The following LARGE2 variants were observed in gnomAD, a reference collection of about 807,000 sequenced individuals.
LARGE2 encodes the protein xylosyl- and glucuronyltransferase LARGE2.
A neutral mutation model predicts 75.3 loss-of-function variants in LARGE2; 63 were observed. That is an observed-to-expected ratio of 0.84 (90% CI 0.68 to 1.03). The LOEUF is 1.03. LARGE2 is among the 50% of genes least tolerant of loss of function. LARGE2 has a pLI of 0.00. For synonymous variants in LARGE2, 428 were observed against 420.1 expected (o/e 1.02, Z -0.23); for missense variants, 925 against 980.6 (o/e 0.94, Z 0.76).
intron 4 of LARGE2, 98 bp from the exon 5 acceptor site, chr11:45,924,408 G>A (rs2134726635): frequency 6.4e-7 from 1 of 1,561,702 alleles, no homozygotes; most frequent in African/African-American, 1.4e-5. Flanking sequence ...CCTCTCTTTT[G>A]GGGGTTTACC....
At position 45,928,690 on chromosome 11, in the gene LARGE2, C is replaced by T; in HGVS notation, c.2011C>T (p.Leu671=). The change falls in exon 14 of 14, where the codon CTG becomes TTG. Residue 671 remains leucine, a synonymous_variant. Coordinates refer to ENST00000401752, the MANE Select transcript of LARGE2 (RefSeq NM_001300721.2). ...FTIHLPHAPS[L]DISRFRSSPT... ...CATCCATCTGCCCCACGCTCCAAGC[C>T]TGGACATCTCCCGCTTCCGCTCCAG... 1 of 1,614,186 alleles carries T rather than the reference C, an allele frequency of 6.2e-7. No individual in the cohort carries two copies. The highest frequency in any genetic ancestry group is 8.5e-7 in the Non-Finnish European group (1 of 1,180,038).
Position 45,923,049 on chromosome 11 carries a change from TC to T in LARGE2, c.173del (p.Pro58GlnfsTer59). ...GCFPGPLMPR[V>X]PPDGRLRRAA... Reference sequence around the variant, plus strand: ...TTCCCCGGCCCGCTCATGCCACGTGTCCCCCCAGACGGGAGGCTGCGGAGAG... The same window carrying T: ...TTCCCCGGCCCGCTCATGCCACGTGTCCCCCAGACGGGAGGCTGCGGAGAG... On this transcript the variant is annotated frameshift_variant, in exon 2 of 14. Transcript: ENST00000401752. LOFTEE classifies it high-confidence loss of function. 5.0e-6 allele frequency: 7 copies of T among 1,413,608 alleles called. No individual in the cohort carries two copies. The highest frequency in any genetic ancestry group is 3.0e-5 in the South Asian group (2 of 67,404). The allele number at this position is 1,413,608 out of a possible 1,614,324, so 87.6% of individuals were successfully genotyped here. A position where few individuals can be genotyped will look rare whatever the true frequency, so the allele number is the denominator to read the frequency against.
chr11:45,927,908 GCTC>G lies in LARGE2; in HGVS notation c.1605-5_1605-3del. On this transcript the variant is annotated splice_polypyrimidine_tract_variant and intron_variant, in intron 11 of 13. Coordinates refer to ENST00000401752, the MANE Select transcript of LARGE2 (RefSeq NM_001300721.2). ...CCGCTCTTCTCCCCTGCTCATGGGT[GCTC>G]CTCCTCAGGGCCTCCATTGAGCAGC... 6.2e-7 allele frequency: 1 copy of G among 1,612,256 alleles called. No homozygotes were observed. The highest frequency in any genetic ancestry group is 8.5e-7 in the Non-Finnish European group (1 of 1,179,310).
At chr11:45,926,998 G>A (rs2087183061) in intron 10 of LARGE2, 127 bp downstream of exon 10, 2 of 1,047,124 alleles carry the variant, frequency 1.9e-6, no homozygotes, top group Admixed American at 5.7e-5. Context: ...AGTTCCAGAA[G>A]TTGGAGACAT....
intron 4 of LARGE2, 27 bp from the exon 5 acceptor site, chr11:45,924,479 C>A: frequency 6.2e-7 from 1 of 1,604,926 alleles, no homozygotes; most frequent in Non-Finnish European, 8.5e-7. Flanking sequence ...TCTCTGCCAT[C>A]TCATCTCCTG....
At chr11:45,926,625 C>T in intron 9 of LARGE2, 28 bp downstream of exon 9, 1 of 1,613,806 alleles carries the variant, frequency 6.2e-7, no homozygotes, top group Non-Finnish European at 8.5e-7. Context: ...TCCCCTGCCC[C>T]TCTCTGCTTT....
At chr11:45,926,966 G>A (rs1342598682) in intron 10 of LARGE2, 95 bp downstream of exon 10, 3 of 1,288,344 alleles carry the variant, frequency 2.3e-6, no homozygotes, top group African/African-American at 3.0e-5. Context: ...TGCTGTGGTA[G>A]TGAGCTACCT....
intron 11 of LARGE2, 77 bp downstream of exon 11, chr11:45,927,670 T>C (rs1259900812): frequency 6.4e-7 from 1 of 1,567,512 alleles, no homozygotes; most frequent in Admixed American, 1.7e-5. Flanking sequence ...CAGGCTTCCA[T>C]GTCCCTGCTC....
At position 45,924,644 on chromosome 11, in the gene LARGE2, T is replaced by C. The variant is rs764263826; in HGVS notation, c.631T>C (p.Ser211Pro). Residue 211 changes from serine (S) to proline (P), a missense_variant, in exon 5 of 14, where the codon TCG (serine) becomes CCG (proline). Around this residue, in one of 3 missense-constraint regions of LARGE2, gnomAD observed 453 missense variants for 460.2 expected, o/e 0.98. Transcript: ENST00000401752. ...DTDVTFASDI[S>P]ELWALFAHFS... Reference sequence around the variant, plus strand: ...GGATGTCACCTTCGCCTCTGACATCTCGGAGCTCTGGGCCCTCTTTGCTCA... The same window carrying C: ...GGATGTCACCTTCGCCTCTGACATCCCGGAGCTCTGGGCCCTCTTTGCTCA... The C allele has an allele frequency of 1.9e-6, 3 of 1,613,972 alleles. No individual in the cohort carries two copies. In the African/African-American group the frequency reaches 4.0e-5, roughly 22 times the overall value.
Position 45,928,232 on chromosome 11 carries a change from G to A in LARGE2, c.1810G>A (p.Ala604Thr). The stretch of plus-strand genomic sequence containing the variant: ...CACAGACTATGCCCGCTGGCGGGAG[G>A]CTCAGGCCCCGTACCGTGTGCAATG... ...APTDYARWRE[A>T]QAPYRVQWAA... Residue 604 changes from alanine (A) to threonine (T), a missense_variant, in exon 13 of 14, where the codon GCT (alanine) becomes ACT (threonine). Physicochemically the swap from Ala to Thr is moderately conservative, Grantham distance 58. Around this residue, in one of 3 missense-constraint regions of LARGE2, gnomAD observed 469 missense variants for 503.8 expected, o/e 0.93. Coordinates refer to ENST00000401752, the MANE Select transcript of LARGE2 (RefSeq NM_001300721.2). The A allele has an allele frequency of 6.2e-7, 1 of 1,613,828 alleles. No individual in the cohort carries two copies. Among genetic ancestry groups the A allele is most frequent in the Non-Finnish European group, 8.5e-7 (1 of 1,180,044 alleles).
chr11:45,923,791 C>T (rs1174466379), intron 3 of LARGE2, among the ~76,000 whole-genome samples: 1 of 151,574 alleles, frequency 6.6e-6, no homozygotes, highest in Admixed American at 6.6e-5. Context: ...TCGAGACCAT[C>T]CCGGCTAAAA....
Position 45,922,949 on chromosome 11 carries a change from G to A in LARGE2, c.67G>A (p.Gly23Arg), listed in dbSNP as rs867410287. 8.2e-5 allele frequency: 106 copies of A among 1,289,086 alleles called. 2 individuals carry two copies. Among genetic ancestry groups the A allele is most frequent in the African/African-American group, 6.2e-4 (40 of 64,506 alleles). 79.9% of individuals were successfully genotyped at this position (1,289,086 alleles called of 1,614,324 possible). Residue 23 changes from glycine to arginine, a missense_variant, in exon 2 of 14, where the codon GGA becomes AGA. This residue lies in a region of LARGE2 where 453 missense variants were observed against 460.2 expected (regional missense o/e 0.98). Transcript: ENST00000401752. ...GCTGTTGCTGCTGCTGCTGCTGCTCGGATTCCTCCTGTTCGGTGGGGACCT... is the reference window on the plus strand; with the variant it reads ...GCTGTTGCTGCTGCTGCTGCTGCTCAGATTCCTCCTGTTCGGTGGGGACCT... Reference protein sequence around the residue: ...AALLLLLLLLGFLLFGGDLGC... With the variant: ...AALLLLLLLLRFLLFGGDLGC...
In LARGE2 at chr11:45,928,903, C is replaced by T. The variant is rs779180143; in HGVS notation, c.*58C>T. 4 of 1,595,886 alleles carry T rather than the reference C, an allele frequency of 2.5e-6. No homozygotes were observed. The African/African-American group carries it at 5.4e-5, about 22-fold the overall frequency. On this transcript the variant is annotated 3_prime_UTR_variant, in exon 14 of 14. Coordinates refer to ENST00000401752, the MANE Select transcript of LARGE2 (RefSeq NM_001300721.2). ...TGGGCAGACACCAGGGCAACCTGCC[C>T]TCCGCCATCCCTGCTATTTAAATTA...
intron 3 of LARGE2, among the ~76,000 whole-genome samples, 130 bp from the exon 4 acceptor site, chr11:45,923,999 AAAAAAAAAAAAAAAAAAAAAAAAAG>A: frequency 9.1e-5 from 1 of 11,046 alleles, no homozygotes; most frequent in Non-Finnish European, 1.3e-3. Context: ...AAAAAAAAAA[AAAAAAAAAAAAAAAAAAAAAAAAAG>A]AACATCCTGA....
At position 45,928,852 on chromosome 11, in the gene LARGE2, G is replaced by A. The variant is rs749530437; in HGVS notation, c.*7G>A. 2 of 1,612,742 alleles carry A rather than the reference G, an allele frequency of 1.2e-6. No individual in the cohort carries two copies. Among genetic ancestry groups the A allele is most frequent in the Non-Finnish European group, 8.5e-7 (1 of 1,179,748 alleles). On this transcript the variant is annotated 3_prime_UTR_variant, in exon 14 of 14. Coordinates refer to ENST00000401752, the MANE Select transcript of LARGE2 (RefSeq NM_001300721.2). ...GAGCCCTGCCCGAGGCTGAGGCTGG[G>A]CCGGCGCTGCCCCTCATCTTAGCAT... is the stretch of plus-strand genomic sequence containing the variant.
At chr11:45,922,035 G>C (rs958855289), upstream of LARGE2, among the ~76,000 whole-genome samples, 9 of 152,108 alleles carry the variant, frequency 5.9e-5, no homozygotes, top group Admixed American at 3.3e-4. Context: ...CTGGACAAGA[G>C]TGGGGATCCC....
At position 45,923,154 on chromosome 11, in the gene LARGE2, C is replaced by A. The variant is rs2086990500; in HGVS notation, c.272C>A (p.Pro91Gln). 2 of 1,340,810 alleles carry A rather than the reference C, an allele frequency of 1.5e-6. No homozygotes were observed. Among genetic ancestry groups the A allele is most frequent in the South Asian group, 2.0e-5 (1 of 51,030 alleles). 83.1% of individuals were successfully genotyped at this position (1,340,810 alleles called of 1,614,324 possible). A position where few individuals can be genotyped will look rare whatever the true frequency, so the allele number is the denominator to read the frequency against. Residue 91 changes from proline to glutamine, a missense_variant, in exon 2 of 14, where the codon CCG (proline) becomes CAG (glutamine). Around this residue, in one of 3 missense-constraint regions of LARGE2, gnomAD observed 453 missense variants for 460.2 expected, o/e 0.98. Transcript: ENST00000401752. ...RSDCGPQPPP[P>Q]PKCELLHVAI... ...GACTGCGGCCCGCAGCCGCCGCCGCCGCCCAAGTGCGAGGTAGGTGCGCGC... is the reference window on the plus strand; with the variant it reads ...GACTGCGGCCCGCAGCCGCCGCCGCAGCCCAAGTGCGAGGTAGGTGCGCGC...
chr11:45,924,187 C>T lies in LARGE2; in HGVS notation c.402C>T (p.Asp134=), dbSNP rs952241306. 6.2e-6 allele frequency: 10 copies of T among 1,612,602 alleles called. No individual in the cohort carries two copies. The East Asian group carries it at 2.0e-4, about 32-fold the overall frequency. Residue 134 remains aspartate, a synonymous_variant, in exon 4 of 14, where the codon GAC becomes GAT. Transcript: ENST00000401752. ...KNPLHLHLVT[D]AVARNILETL... ...CACTGCACCTCCACTTGGTGACTGA[C>T]GCCGTGGCCAGAAACATCCTGGAGA...
rs561356468 is a variant in LARGE2, at chr11:45,924,632, G to T, written c.619G>T (p.Ala207Ser). 6.2e-7 allele frequency: 1 copy of T among 1,613,908 alleles called. No individual in the cohort carries two copies. Among genetic ancestry groups the T allele is most frequent in the Non-Finnish European group, 8.5e-7 (1 of 1,179,990 alleles). The change falls in exon 5 of 14, where the codon GCC becomes TCC. Residue 207 changes from alanine (A) to serine (S), a missense_variant. This residue lies in a region of LARGE2 where 453 missense variants were observed against 460.2 expected (regional missense o/e 0.98). Transcript: ENST00000401752. ...VIVLDTDVTF[A>S]SDISELWALF... ...TGTCCTGGACACGGATGTCACCTTC[G>T]CCTCTGACATCTCGGAGCTCTGGGC...
Sources: allele counts gnomAD v4.1 joint callset (sites outside exome capture counted in the v4.1 genomes callset), GRCh38; gene constraint gnomAD v4.1.1; regional missense constraint gnomAD v4.1.1; transcripts MANE v1.5; gene names NCBI Gene and HGNC (gene_info 2026-07-23, HGNC 2026-07-21).